Variants in INPP5A observed in about 807,000 individuals in gnomAD.
INPP5A encodes inositol polyphosphate-5-phosphatase A.
A neutral mutation model predicts 65.2 loss-of-function variants in INPP5A; 14 were observed. The ratio of observed to expected loss-of-function variants is 0.21; its 90% CI spans 0.14 to 0.34. The LOEUF (loss-of-function observed/expected upper bound fraction) is 0.34, where lower values mean the gene tolerates loss of function less well. Ranked by LOEUF, INPP5A falls within the 10% of genes least tolerant of loss-of-function variation. The pLI is 1.00. For missense variants in INPP5A, 431 were observed against 545.6 expected, an observed-to-expected ratio of 0.79 and a Z score of 2.09; for synonymous variants, 207 against 208.3, an observed-to-expected ratio of 0.99 and a Z score of 0.05.
intron 1 of INPP5A, among the ~76,000 whole-genome samples, chr10:132,568,240 T>G (rs959686105): frequency 1.3e-5 from 2 of 151,760 alleles, no homozygotes; most frequent in African/African-American, 4.8e-5. Flanking sequence ...ACATTTTTCC[T>G]GGTGTTCACC....
At chr10:132,552,897 G>A (rs1203647973) in intron 1 of INPP5A, among the ~76,000 whole-genome samples, 86 of 99,974 alleles carry the variant, frequency 8.6e-4, no homozygotes, top group Non-Finnish European at 1.3e-3. Context: ...TGGCATATTG[G>A]GTAGGATAGG....
Position 132,659,464 on chromosome 10 carries a change from T to C in INPP5A, c.306+8959T>C, listed in dbSNP as rs2072706430. Among the ~76,000 whole-genome samples, 1 of 152,028 alleles carries C rather than the reference T, an allele frequency of 6.6e-6. No homozygotes were observed. Among genetic ancestry groups the C allele is most frequent in the Non-Finnish European group, 1.5e-5 (1 of 68,000 alleles). ...TGTGGGGTGCATCCACGGACGCGGGTCTGGAGGCGCTGCTGTCTAAGCTGA... is the reference window on the plus strand; with the variant it reads ...TGTGGGGTGCATCCACGGACGCGGGCCTGGAGGCGCTGCTGTCTAAGCTGA... On this transcript the variant is annotated intron_variant, in intron 4 of 15. Coordinates refer to ENST00000368594, the MANE Select transcript of INPP5A (RefSeq NM_005539.5). The surrounding 1 kb of genome is among the most constrained non-coding windows in gnomAD (Gnocchi z 5.5).
At chr10:132,754,570 A>G (rs1846556489) in intron 11 of INPP5A, among the ~76,000 whole-genome samples, 1 of 152,246 alleles carries the variant, frequency 6.6e-6, no homozygotes, top group African/African-American at 2.4e-5. Context: ...TGAAGGTTCA[A>G]GTTCACTTCA....
At position 132,696,473 on chromosome 10, in the gene INPP5A, G is replaced by A. The variant is rs114268846; in HGVS notation, c.371-1343G>A. Among the ~76,000 whole-genome samples the A allele has an allele frequency of 3.1e-3, 469 of 152,248 alleles. 3 individuals are homozygous for A. The highest frequency in any genetic ancestry group is 0.011 in the African/African-American group (453 of 41,544). ...GCAGACTGTGGCATGTCAGCTCCAC[G>A]GGGTGTTATTTGGTGATAAAAAGAA... On this transcript the variant is annotated intron_variant, in intron 5 of 15. Coordinates refer to ENST00000368594, the MANE Select transcript of INPP5A (RefSeq NM_005539.5).
In INPP5A at chr10:132,690,705, A is replaced by G. The variant is rs187757291; in HGVS notation, c.370+250A>G. ...TCCTAGAGTTGAGTTAAGAGGAAGG[A>G]ATAGTTTGTATCTGTGTTCCCATCC... On this transcript the variant is annotated intron_variant, in intron 5 of 15. Transcript: ENST00000368594. 9.9e-5 allele frequency among the ~76,000 whole-genome samples: 15 copies of G among 152,200 alleles called. No individual in the cohort carries two copies. In the East Asian group the frequency reaches 2.7e-3, roughly 27 times the overall value.
At chr10:132,584,471 T>G (rs1271279615) in intron 1 of INPP5A, among the ~76,000 whole-genome samples, 1 of 152,236 alleles carries the variant, frequency 6.6e-6, no homozygotes, top group Admixed American at 6.5e-5. Flanking sequence ...TAAATATATT[T>G]TAAATTTATT....
At chr10:132,577,572 C>T (rs1433081625) in intron 1 of INPP5A, among the ~76,000 whole-genome samples, 1 of 152,216 alleles carries the variant, frequency 6.6e-6, no homozygotes, top group Non-Finnish European at 1.5e-5. Flanking sequence ...GCCTGAGCCC[C>T]CCATGGGGTC....
chr10:132,575,752 C>T lies in INPP5A; in HGVS notation c.76-32163C>T, dbSNP rs968184434. 1.3e-5 allele frequency among the ~76,000 whole-genome samples: 2 copies of T among 152,188 alleles called. No individual in the cohort carries two copies. Among genetic ancestry groups the T allele is most frequent in the South Asian group, 2.1e-4 (1 of 4,828 alleles). On this transcript the variant is annotated intron_variant, in intron 1 of 15. Transcript: ENST00000368594. This position sits in a 1 kb window ranked among gnomAD's most constrained non-coding sequence, Gnocchi z 5.4. ...CCCCGGTTCCCTGTGTCCCTCTGGCCGTGGGCTCCCGCGTGGTGTGTGCGG... is the reference window on the plus strand; with the variant it reads ...CCCCGGTTCCCTGTGTCCCTCTGGCTGTGGGCTCCCGCGTGGTGTGTGCGG...
Position 132,575,607 on chromosome 10 carries a change from CTG to C in INPP5A, c.76-32305_76-32304del, listed in dbSNP as rs2133291430. On this transcript the variant is annotated intron_variant, in intron 1 of 15. Transcript: ENST00000368594. This position sits in a 1 kb window ranked among gnomAD's most constrained non-coding sequence, Gnocchi z 5.4. ...CGGAGCCAGTTATTTCTTGGCTTCTCTGTGGAAGTGCGTTTATTTGAAATCCG... is the reference window on the plus strand; with the variant it reads ...CGGAGCCAGTTATTTCTTGGCTTCTCTGGAAGTGCGTTTATTTGAAATCCG... Among the ~76,000 whole-genome samples the C allele has an allele frequency of 6.6e-6, 1 of 152,342 alleles. No homozygotes were observed. The highest frequency in any genetic ancestry group is 2.4e-5 in the African/African-American group (1 of 41,584).
intron 2 of INPP5A, among the ~76,000 whole-genome samples, chr10:132,640,303 CAT>C (rs762465223): frequency 1.3e-5 from 2 of 152,380 alleles, no homozygotes; most frequent in East Asian, 1.9e-4. Flanking sequence ...GGTTGTCACA[CAT>C]GTGTGTGTTT....
intron 1 of INPP5A, among the ~76,000 whole-genome samples, chr10:132,581,812 T>C (rs1338278371): frequency 6.6e-6 from 1 of 152,158 alleles, no homozygotes; most frequent in Non-Finnish European, 1.5e-5. Context: ...TTTGTGATAC[T>C]TTCCCCCAGT....
At chr10:132,710,879 C>A (rs1259470992) in intron 8 of INPP5A, among the ~76,000 whole-genome samples, 1 of 151,884 alleles carries the variant, frequency 6.6e-6, no homozygotes, top group African/African-American at 2.4e-5. Flanking sequence ...GGTGGGTGGG[C>A]AGGTCGGTGT....
intron 1 of INPP5A, among the ~76,000 whole-genome samples, chr10:132,598,099 T>C (rs926884836): frequency 6.6e-6 from 1 of 152,258 alleles, no homozygotes; most frequent in Non-Finnish European, 1.5e-5. Context: ...CCCTTCCTAC[T>C]GCTAGGGTCA....
At chr10:132,633,208 C>T (rs1238799913) in intron 2 of INPP5A, among the ~76,000 whole-genome samples, 2 of 152,216 alleles carry the variant, frequency 1.3e-5, no homozygotes, top group Non-Finnish European at 2.9e-5. Flanking sequence ...TCAGCCCCTG[C>T]CTGGCTCCCT....
intron 4 of INPP5A, among the ~76,000 whole-genome samples, chr10:132,661,474 T>G (rs763305479): frequency 6.6e-5 from 10 of 152,170 alleles, no homozygotes; most frequent in Non-Finnish European, 1.3e-4. Flanking sequence ...ATAAATTAGG[T>G]CAAGATGTGT....
intron 1 of INPP5A, among the ~76,000 whole-genome samples, chr10:132,589,707 C>G (rs545222294): frequency 5.3e-4 from 81 of 152,358 alleles, no homozygotes; most frequent in African/African-American, 1.9e-3. Context: ...GCCCTGCTGC[C>G]CTGTCCTCCC....
rs562446648 is a variant in INPP5A, at chr10:132,727,660, T to C, written c.732+755T>C. 6.6e-6 allele frequency among the ~76,000 whole-genome samples: 1 copy of C among 152,094 alleles called. No individual in the cohort carries two copies. The highest frequency in any genetic ancestry group is 6.5e-5 in the Admixed American group (1 of 15,278). On this transcript the variant is annotated intron_variant, in intron 9 of 15. Transcript: ENST00000368594. The surrounding 1 kb of genome is among the most constrained non-coding windows in gnomAD (Gnocchi z 6.5). The stretch of plus-strand genomic sequence containing the variant: ...GGTGTGGGAAATGGTGGAGCACCTG[T>C]TGCCCACCCGCCCTGGCCCTGCTGC...
chr10:132,717,379 C>T (rs1425063959), intron 8 of INPP5A, among the ~76,000 whole-genome samples: 1 of 151,374 alleles, frequency 6.6e-6, no homozygotes, highest in Non-Finnish European at 1.5e-5. Context: ...CAAGGAGCTT[C>T]CTCAAGAGCA....
intron 8 of INPP5A, among the ~76,000 whole-genome samples, chr10:132,715,327 GT>G (rs1845721616): frequency 6.6e-6 from 1 of 152,130 alleles, no homozygotes; most frequent in Non-Finnish European, 1.5e-5. Context: ...GCACCCCTTT[GT>G]CCCCCCATTA....
Sources: gnomAD v4.1 joint callset for allele counts (sites outside exome capture counted in the v4.1 genomes callset) on GRCh38, gnomAD v4.1.1 for gene constraint, Gnocchi (gnomAD v3.1) non-coding constraint, MANE v1.5 for transcripts, NCBI Gene and HGNC (gene_info 2026-07-23, HGNC 2026-07-21) for gene names.